The following NLK variants were observed in gnomAD, a reference collection of about 807,000 sequenced individuals.
NLK encodes the protein serine/threonine-protein kinase NLK.
In NLK, 11 loss-of-function variants were observed where a neutral mutation model predicts 59.0. That is an observed-to-expected ratio of 0.19 (90% CI 0.12 to 0.31). The LOEUF (loss-of-function observed/expected upper bound fraction) is 0.31. Ranked by LOEUF, NLK falls within the 10% of genes least tolerant of loss-of-function variation. NLK has a pLI of 1.00. For synonymous variants in NLK, 235 were observed against 235.9 expected, an observed-to-expected ratio of 1.00 and a Z score of 0.03; for missense variants, 410 against 661.1, an observed-to-expected ratio of 0.62 and a Z score of 4.16.
chr17:28,114,240 T>C (rs1905656647), intron 1 of NLK, among the ~76,000 whole-genome samples: 1 of 152,216 alleles, frequency 6.6e-6, no homozygotes. Flanking sequence ...TAGATATGCA[T>C]ATTCCTTTTG....
At chr17:28,125,360 G>T (rs1906250348) in intron 2 of NLK, among the ~76,000 whole-genome samples, 2 of 152,160 alleles carry the variant, frequency 1.3e-5, no homozygotes, top group African/African-American at 4.8e-5. Context: ...CTACTATTTT[G>T]TACTGTTGTG....
intron 3 of NLK, among the ~76,000 whole-genome samples, chr17:28,156,558 CT>C (rs971344433): frequency 6.6e-6 from 1 of 151,938 alleles, no homozygotes; most frequent in Non-Finnish European, 1.5e-5. Context: ...GCAACACACA[CT>C]TTTTTTGTGG....
intron 1 of NLK, among the ~76,000 whole-genome samples, chr17:28,105,461 G>A (rs998914087): frequency 3.3e-5 from 5 of 152,082 alleles, no homozygotes; most frequent in African/African-American, 1.2e-4. Context: ...TTGATCCAAA[G>A]ACTGGTATGC....
intron 1 of NLK, among the ~76,000 whole-genome samples, chr17:28,112,466 T>G (rs150836496): frequency 6.6e-6 from 1 of 152,304 alleles, no homozygotes; most frequent in Non-Finnish European, 1.5e-5. Context: ...ACTCCCACTA[T>G]TCTTACACAA....
At chr17:28,051,584 C>A (rs1235915708) in intron 1 of NLK, among the ~76,000 whole-genome samples, 1 of 151,380 alleles carries the variant, frequency 6.6e-6, no homozygotes, top group African/African-American at 2.4e-5. Flanking sequence ...GTCTCGATCT[C>A]TTGACCTCGT....
At chr17:28,068,186 A>G (rs1909899608) in intron 1 of NLK, among the ~76,000 whole-genome samples, 1 of 151,594 alleles carries the variant, frequency 6.6e-6, no homozygotes, top group Non-Finnish European at 1.5e-5. Context: ...TTCCAATACC[A>G]TTTGTTGAAA....
intron 3 of NLK, among the ~76,000 whole-genome samples, chr17:28,159,182 G>A (rs1464232165): frequency 7.2e-5 from 11 of 152,182 alleles, no homozygotes; most frequent in Admixed American, 7.2e-4. Flanking sequence ...CAGGAAGAAA[G>A]CAATAGAAGA....
chr17:28,160,267 T>C (rs1428691810), intron 3 of NLK, among the ~76,000 whole-genome samples: 2 of 152,158 alleles, frequency 1.3e-5, no homozygotes, highest in Non-Finnish European at 2.9e-5. Context: ...TTGAAAACAA[T>C]TGAAAAACAA....
chr17:28,200,260 T>A (rs917710566), downstream of NLK, among the ~76,000 whole-genome samples: 1 of 152,214 alleles, frequency 6.6e-6, no homozygotes, highest in African/African-American at 2.4e-5. Context: ...GATTTTCTCC[T>A]ACTTTTCTCT....
At chr17:28,107,437 A>G (rs1456856034) in intron 1 of NLK, among the ~76,000 whole-genome samples, 1 of 151,566 alleles carries the variant, frequency 6.6e-6, no homozygotes, top group Non-Finnish European at 1.5e-5. Context: ...TCTGTCTCAA[A>G]AAAAAAAAAG....
intron 1 of NLK, among the ~76,000 whole-genome samples, chr17:28,059,542 T>C (rs746646615): frequency 6.2e-4 from 94 of 152,298 alleles, no homozygotes; most frequent in Non-Finnish European, 8.7e-4. Flanking sequence ...TCTTATCTAA[T>C]ATATCAAAAC....
chr17:28,180,632 A>G (rs1333197401), intron 7 of NLK, among the ~76,000 whole-genome samples: 1 of 152,184 alleles, frequency 6.6e-6, no homozygotes, highest in Non-Finnish European at 1.5e-5. Context: ...AAGCTATGAC[A>G]TATCTTCACC....
At chr17:28,086,709 G>A (rs1910529006) in intron 1 of NLK, among the ~76,000 whole-genome samples, 1 of 151,514 alleles carries the variant, frequency 6.6e-6, no homozygotes. Flanking sequence ...CAGTATAAGT[G>A]ACTCTGTGAT....
At chr17:28,203,225 G>T in the NLK span, among the ~76,000 whole-genome samples, 2 of 143,212 alleles carry the variant, frequency 1.4e-5, no homozygotes, top group Non-Finnish European at 3.0e-5. Flanking sequence ...GTCCAGGCTG[G>T]TCTCCTGCTC....
intron 3 of NLK, among the ~76,000 whole-genome samples, chr17:28,149,873 CAG>C (rs1597711038): frequency 6.6e-6 from 1 of 152,158 alleles, no homozygotes; most frequent in Admixed American, 6.5e-5. Flanking sequence ...AGATTGAAGA[CAG>C]TGACTTCTCA....
chr17:28,099,384 A>T (rs895160991), intron 1 of NLK, among the ~76,000 whole-genome samples: 2 of 152,096 alleles, frequency 1.3e-5, no homozygotes, highest in Non-Finnish European at 2.9e-5. Context: ...AGAACGTTGA[A>T]CAGGTCTTTC....
intron 2 of NLK, among the ~76,000 whole-genome samples, chr17:28,129,693 ATATTCT>A (rs577332721): frequency 3.7e-4 from 56 of 152,216 alleles, no homozygotes; most frequent in South Asian, 1.7e-3. Context: ...TGTGTTCCTT[ATATTCT>A]TATTCTTATT....
chr17:28,183,567 A>G (rs961737690), intron 7 of NLK, among the ~76,000 whole-genome samples: 9 of 152,108 alleles, frequency 5.9e-5, no homozygotes, highest in Non-Finnish European at 1.0e-4. Flanking sequence ...AGGCTCAAGC[A>G]GTCCTTCTGC....
chr17:28,114,384 C>A (rs1311172863), intron 1 of NLK, among the ~76,000 whole-genome samples: 1 of 152,154 alleles, frequency 6.6e-6, no homozygotes, highest in Non-Finnish European at 1.5e-5. Context: ...CATTGCACTT[C>A]ATCTCAACAA....
Sources: allele counts gnomAD v4.1 joint callset (sites outside exome capture counted in the v4.1 genomes callset), GRCh38; gene constraint gnomAD v4.1.1; transcripts MANE v1.5; gene names NCBI Gene and HGNC (gene_info 2026-07-23, HGNC 2026-07-21).